Variants in GRIP1 observed in about 807,000 individuals in gnomAD.
The protein encoded by GRIP1 is glutamate receptor interacting protein 1.
GRIP1 carries 45 observed loss-of-function variants against 129.9 expected under a neutral mutation model. That is an observed-to-expected ratio of 0.35 (90% confidence interval 0.27 to 0.44). The LOEUF (loss-of-function observed/expected upper bound fraction) is 0.44. Ranked by LOEUF, GRIP1 falls within the 20% of genes least tolerant of loss-of-function variation. The pLI, the probability that GRIP1 is intolerant of heterozygous loss-of-function variation, is 1.00. For synonymous variants in GRIP1, 530 were observed against 520.8 expected (o/e 1.02, Z -0.24); for missense variants, 1,196 against 1,396.8 (o/e 0.86, Z 2.29).
intron 3 of GRIP1, among the ~76,000 whole-genome samples, chr12:66,541,433 C>T (rs1394475224): frequency 1.3e-5 from 2 of 152,210 alleles, no homozygotes; most frequent in Non-Finnish European, 2.9e-5. Context: ...GGCACTTTTC[C>T]CCATTCACAT....
chr12:66,740,197 T>C (rs1346136433), intron 1 of GRIP1, among the ~76,000 whole-genome samples: 2 of 152,302 alleles, frequency 1.3e-5, no homozygotes, highest in Non-Finnish European at 2.9e-5. Context: ...ATGATGAATA[T>C]ACATCTTGCA....
intron 1 of GRIP1, among the ~76,000 whole-genome samples, chr12:66,956,103 T>G (rs2041836654): frequency 6.6e-6 from 1 of 152,248 alleles, no homozygotes; most frequent in Admixed American, 6.5e-5. Flanking sequence ...AATATTGCTA[T>G]AATTCTATTA....
chr12:66,683,650 C>A (rs573159752), upstream of GRIP1, among the ~76,000 whole-genome samples: 1 of 152,256 alleles, frequency 6.6e-6, no homozygotes, highest in South Asian at 2.1e-4. Context: ...GGGTATAATG[C>A]ACACTTCATG....
intron 1 of GRIP1, among the ~76,000 whole-genome samples, chr12:66,958,347 G>A (rs1165212330): frequency 6.6e-6 from 1 of 152,078 alleles, no homozygotes; most frequent in Non-Finnish European, 1.5e-5. Context: ...GGGCCAGGCT[G>A]GTCTTGAACT....
intron 1 of GRIP1, among the ~76,000 whole-genome samples, chr12:66,957,638 A>G (rs1395865516): frequency 6.6e-6 from 1 of 152,106 alleles, no homozygotes; most frequent in African/African-American, 2.4e-5. Context: ...TTGTCTCATG[A>G]TTAGACTATG....
At chr12:66,649,685 G>A (rs775421897) in intron 1 of GRIP1, among the ~76,000 whole-genome samples, 28 of 152,196 alleles carry the variant, frequency 1.8e-4, no homozygotes, top group Admixed American at 3.3e-4. Flanking sequence ...CTGTTTGATG[G>A]AAATTGGTAA....
chr12:67,019,477 C>T (rs1273172020), intron 1 of GRIP1, among the ~76,000 whole-genome samples: 6 of 152,184 alleles, frequency 3.9e-5, no homozygotes, highest in Admixed American at 1.3e-4. Flanking sequence ...AGATGTACAT[C>T]GTGAAAAATA....
chr12:67,050,787 G>A (rs1385080742), intron 1 of GRIP1, among the ~76,000 whole-genome samples: 1 of 152,080 alleles, frequency 6.6e-6, no homozygotes, highest in Non-Finnish European at 1.5e-5. Context: ...TGCAACCTCT[G>A]CCCACTGCTT....
intron 19 of GRIP1, among the ~76,000 whole-genome samples, chr12:66,385,596 ATTATTTAT>A (rs149410816): frequency 1.3e-3 from 201 of 151,558 alleles, no homozygotes; most frequent in African/African-American, 4.5e-3. Flanking sequence ...TCTCCTTTGG[ATTATTTAT>A]TTATTTATTT....
At chr12:66,865,472 GTTT>G (rs34415330) in intron 1 of GRIP1, among the ~76,000 whole-genome samples, 1 of 146,258 alleles carries the variant, frequency 6.8e-6, no homozygotes, top group Non-Finnish European at 1.5e-5. Flanking sequence ...CTTTGTGGTA[GTTT>G]TTTTTTTTTG....
chr12:66,415,090 G>A (rs1056782569), intron 15 of GRIP1, among the ~76,000 whole-genome samples: 3 of 151,778 alleles, frequency 2.0e-5, no homozygotes, highest in Admixed American at 6.6e-5. Context: ...ATTTCATGAC[G>A]AAAATGCCAA....
At chr12:66,914,396 G>A in intron 1 of GRIP1, among the ~76,000 whole-genome samples, 1 of 152,088 alleles carries the variant, frequency 6.6e-6, no homozygotes, top group East Asian at 1.9e-4. Context: ...GATATGAATT[G>A]TGTTATTGCA....
intron 1 of GRIP1, among the ~76,000 whole-genome samples, chr12:66,894,864 TG>T (rs1487024938): frequency 1.3e-4 from 20 of 152,200 alleles, no homozygotes; most frequent in Non-Finnish European, 2.4e-4. Context: ...CCAATAACTT[TG>T]ACTCCTTGTA....
chr12:66,973,919 CTTTTT>C lies in GRIP1; in HGVS notation c.58+95126_58+95130del, dbSNP rs535699240. ...AGTTAGAAGGCTTTTCTTTTCTTTT[CTTTTT>C]TTTTTTTTTTTTTGAGTCAGAGTCT... On this transcript the variant is annotated intron_variant, in intron 1 of 1. Transcript: ENST00000643019. Among the ~76,000 whole-genome samples, 44 of 121,334 alleles carry C rather than the reference CTTTTT, an allele frequency of 3.6e-4. 1 individual carries two copies. The highest frequency in any genetic ancestry group is 1.1e-3 in the African/African-American group (36 of 32,834). The allele number at this position is 121,334 out of a possible 152,430, so 79.6% of individuals were successfully genotyped here.
intron 1 of GRIP1, among the ~76,000 whole-genome samples, chr12:66,707,984 A>G (rs539726983): frequency 5.3e-5 from 8 of 152,192 alleles, no homozygotes; most frequent in African/African-American, 1.7e-4. Context: ...TGCGTGGGAG[A>G]GGTTATTAAC....
At chr12:66,758,970 A>G (rs551658792) in intron 1 of GRIP1, among the ~76,000 whole-genome samples, 1 of 152,266 alleles carries the variant, frequency 6.6e-6, no homozygotes, top group Admixed American at 6.5e-5. Context: ...TCAAGCTGTC[A>G]GTGGATCTAT....
intron 14 of GRIP1, among the ~76,000 whole-genome samples, chr12:66,422,578 C>CT (rs35111548): frequency 0.5 from 76,472 of 151,902 alleles, 21,465 homozygotes; most frequent in Non-Finnish European, 0.63. Flanking sequence ...TTTCCTTTGG[C>CT]TTTTTTAAAA....
rs1440287596 is a variant in GRIP1, at chr12:66,790,873, T to C, written c.-420+13180A>G. ...TTCAGAGAGTTAGAAGGGCCAGTGC[T>C]GAACCCCAGAGTTAAGGGGAAGGAG... is the stretch of plus-strand genomic sequence containing the variant. On this transcript the variant is annotated intron_variant, in intron 1 of 4. Coordinates refer to the GRIP1 transcript ENST00000538373. 3.3e-5 allele frequency among the ~76,000 whole-genome samples: 5 copies of C among 151,936 alleles called. No homozygotes were observed. The East Asian group carries it at 9.7e-4, about 29-fold the overall frequency.
chr12:66,754,046 C>A (rs771317901), intron 1 of GRIP1, among the ~76,000 whole-genome samples: 1 of 152,192 alleles, frequency 6.6e-6, no homozygotes, highest in Non-Finnish European at 1.5e-5. Context: ...TAACACTTAG[C>A]AGTGTGAATC....
Sources: gnomAD v4.1 joint callset for allele counts (sites outside exome capture counted in the v4.1 genomes callset) on GRCh38, gnomAD v4.1.1 for gene constraint, MANE v1.5 for transcripts, NCBI Gene and HGNC (gene_info 2026-07-23, HGNC 2026-07-21) for gene names.